COPS7B: variants seen among roughly 807,000 people sequenced by gnomAD.
The protein encoded by COPS7B is COP9 signalosome subunit 7B, also known as COP9 signalosome complex subunit 7b.
COPS7B carries 9 observed loss-of-function variants against 33.4 expected under a neutral mutation model. The ratio of observed to expected loss-of-function variants is 0.27; its 90% CI spans 0.16 to 0.47. The LOEUF is 0.47. Among genes scored for constraint, COPS7B ranks in the 20% least tolerant of loss-of-function variants. The probability of loss-of-function intolerance (pLI) is 0.99; values close to 1 mark genes in which losing one functional copy is unlikely to be tolerated. For missense variants in COPS7B, 242 were observed against 318.2 expected, an observed-to-expected ratio of 0.76 and a Z score of 1.82; for synonymous variants, 119 against 126.3, an observed-to-expected ratio of 0.94 and a Z score of 0.39.
upstream of COPS7B, chr2:231,781,714 A>C (rs919394286): frequency 3.6e-6 from 3 of 843,210 alleles, no homozygotes; most frequent in Non-Finnish European, 5.8e-6. Flanking sequence ...CTTAGACTCC[A>C]GTGTGCCGCG....
chr2:231,785,102 C>T (rs114181416), upstream of COPS7B, among the ~76,000 whole-genome samples: 2,033 of 152,332 alleles, frequency 0.013, 31 homozygotes, highest in Non-Finnish European at 0.018. Flanking sequence ...TGAGCCACCG[C>T]GCCCGGCAAC....
rs1574649845 is a variant in COPS7B, at chr2:231,786,533, G to A, written c.-22G>A. On this transcript the variant is annotated 5_prime_UTR_variant, in exon 1 of 7. Coordinates refer to ENST00000350033, the MANE Select transcript of COPS7B (RefSeq NM_022730.4). ...GACTAAGAGGACCGAGAGGTGGCGT[G>A]GACAGGTAGGAGCTAGCGAGAGGGT... 1.5e-5 allele frequency: 15 copies of A among 985,226 alleles called. No homozygotes were observed. The South Asian group carries it at 7.1e-4, about 46-fold the overall frequency. 61.0% of individuals were successfully genotyped at this position (985,226 alleles called of 1,614,324 possible).
intron 6 of COPS7B, among the ~76,000 whole-genome samples, chr2:231,799,844 A>C (rs1374724527): frequency 6.6e-6 from 1 of 152,194 alleles, no homozygotes; most frequent in Non-Finnish European, 1.5e-5. Flanking sequence ...GGTGCCTTTC[A>C]AAGGGGGATT....
chr2:231,788,136 G>GT (rs576680336), intron 1 of COPS7B, among the ~76,000 whole-genome samples: 27,379 of 114,048 alleles, frequency 0.24, 3,834 homozygotes, highest in Non-Finnish European at 0.28. Context: ...CTCAGGAACT[G>GT]TTTTTTTTTT....
intron 6 of COPS7B, among the ~76,000 whole-genome samples, chr2:231,804,482 C>G (rs923494498): frequency 6.6e-6 from 1 of 152,090 alleles, no homozygotes; most frequent in East Asian, 1.9e-4. Context: ...CTCCTGACCT[C>G]GTGATCTGCC....
At position 231,808,755 on chromosome 2, in the gene COPS7B, C is replaced by T. The variant is rs1236268483; in HGVS notation, c.*1110C>T. On this transcript the variant is annotated 3_prime_UTR_variant, in exon 7 of 7. Coordinates refer to ENST00000350033, the MANE Select transcript of COPS7B (RefSeq NM_022730.4). Reference sequence around the variant, plus strand: ...GTGTCAATATTTGTTATAGACTAATCGCCGGGGATTTTTCACCTGGTTGGA... The same window carrying T: ...GTGTCAATATTTGTTATAGACTAATTGCCGGGGATTTTTCACCTGGTTGGA... 7.1e-5 allele frequency: 7 copies of T among 99,286 alleles called. No homozygotes were observed. The highest frequency in any genetic ancestry group is 2.9e-4 in the African/African-American group (7 of 24,222). 6.2% of individuals were successfully genotyped at this position (99,286 alleles called of 1,614,324 possible).
chr2:231,785,224 G>C, upstream of COPS7B, among the ~76,000 whole-genome samples: 1 of 152,132 alleles, frequency 6.6e-6, no homozygotes, highest in Non-Finnish European at 1.5e-5. Context: ...CTCTAACAAG[G>C]CAATTATTCA....
intron 4 of COPS7B, among the ~76,000 whole-genome samples, chr2:231,794,795 G>A (rs1021727056): frequency 6.6e-6 from 1 of 152,058 alleles, no homozygotes; most frequent in Non-Finnish European, 1.5e-5. Flanking sequence ...TCACTCTGTC[G>A]CCCAGGCTGG....
In COPS7B at chr2:231,791,802, T is replaced by C; in HGVS notation, c.232T>C (p.Tyr78His). 1 of 1,613,168 alleles carries C rather than the reference T, an allele frequency of 6.2e-7. No individual in the cohort carries two copies. The highest frequency in any genetic ancestry group is 8.5e-7 in the Non-Finnish European group (1 of 1,179,034). Residue 78 changes from tyrosine to histidine, a missense_variant, in exon 3 of 7, where the codon TAC (tyrosine) becomes CAC (histidine). Transcript: ENST00000350033. Reference sequence around the variant, plus strand: ...GTTTGCCTATGGGACATACCCAGATTACATAGGTGAGTTGGTGAAGATCCT... The same window carrying C: ...GTTTGCCTATGGGACATACCCAGATCACATAGGTGAGTTGGTGAAGATCCT... ...NLFAYGTYPD[Y>H]IANKESLPEL...
upstream of COPS7B, among the ~76,000 whole-genome samples, chr2:231,783,428 A>C (rs2049173746): frequency 6.6e-6 from 1 of 152,210 alleles, no homozygotes; most frequent in African/African-American, 2.4e-5. Context: ...CCTTGTCAAC[A>C]CAAGAGTTTT....
chr2:231,803,537 A>G (rs1172997187), intron 6 of COPS7B, among the ~76,000 whole-genome samples: 1 of 152,196 alleles, frequency 6.6e-6, no homozygotes, highest in African/African-American at 2.4e-5. Context: ...CAGTTTCTAC[A>G]GGAGAAAATG....
chr2:231,799,261 G>A (rs2049673141), intron 6 of COPS7B, among the ~76,000 whole-genome samples: 1 of 152,192 alleles, frequency 6.6e-6, no homozygotes, highest in African/African-American at 2.4e-5. Context: ...AAGAAAATGA[G>A]TTTGGGGATG....
intron 2 of COPS7B, 185 bp from the exon 3 acceptor site, chr2:231,791,548 T>G: frequency 6.9e-6 from 4 of 575,904 alleles, no homozygotes; most frequent in Non-Finnish European, 1.2e-5. Context: ...ATTTGGGGCT[T>G]TAATAATCTT....
chr2:231,796,301 C>A lies in COPS7B; in HGVS notation c.523C>A (p.His175Asn), dbSNP rs778021213. 6.2e-7 allele frequency: 1 copy of A among 1,613,738 alleles called. No homozygotes were observed. Among genetic ancestry groups the A allele is most frequent in the Non-Finnish European group, 8.5e-7 (1 of 1,179,806 alleles). The change falls in exon 5 of 7, where the codon CAT (histidine) becomes AAT (asparagine). Residue 175 changes from histidine (H) to asparagine (N), a missense_variant. His to Asn is a moderately conservative substitution (Grantham distance 68). Coordinates refer to ENST00000350033, the MANE Select transcript of COPS7B (RefSeq NM_022730.4). ...TATCAATAATATTGTCAAGACCCTGCATGAATGGTGAGGCTAAAAGGAGGA... is the reference window on the plus strand; with the variant it reads ...TATCAATAATATTGTCAAGACCCTGAATGAATGGTGAGGCTAAAAGGAGGA... ...KDINNIVKTL[H>N]EWCDGCEAVL...
chr2:231,783,016 T>A (rs1358697817), upstream of COPS7B, among the ~76,000 whole-genome samples: 1 of 152,222 alleles, frequency 6.6e-6, no homozygotes, highest in Non-Finnish European at 1.5e-5. Context: ...ATAGATCAGT[T>A]TTCTCTGTTC....
intron 5 of COPS7B, among the ~76,000 whole-genome samples, chr2:231,798,358 G>A (rs1462714430): frequency 1.3e-5 from 2 of 149,312 alleles, no homozygotes. Flanking sequence ...CCGGGTTCAA[G>A]TGATTCTCCT....
In COPS7B at chr2:231,807,339, C is replaced by T; in HGVS notation, c.637-148C>T. On this transcript the variant is annotated intron_variant, in intron 6 of 6. Transcript: ENST00000350033. ...ACAAATCTGCTGTGAGTAGCCCAGG[C>T]TCGTTTCTGCTCATCTGGATTTCTG... The T allele has an allele frequency of 6.9e-6, 5 of 721,436 alleles. No individual in the cohort carries two copies. The South Asian group carries it at 1.2e-4, about 18-fold the overall frequency. The allele number at this position is 721,436 out of a possible 1,614,324, so 44.7% of individuals were successfully genotyped here.
intron 4 of COPS7B, 150 bp from the exon 5 acceptor site, chr2:231,795,956 A>G: frequency 3.2e-6 from 2 of 630,816 alleles, no homozygotes; most frequent in Admixed American, 2.9e-5. Context: ...TGGTTCATTT[A>G]TCCACCTCTT....
intron 5 of COPS7B, 77 bp downstream of exon 5, chr2:231,796,385 C>A: frequency 7.2e-7 from 1 of 1,395,834 alleles, no homozygotes; most frequent in Non-Finnish European, 1.0e-6. Context: ...TCCCTGGTGT[C>A]AGCTGAGGGT....
Sources: gnomAD v4.1 joint callset for allele counts (sites outside exome capture counted in the v4.1 genomes callset) on GRCh38, gnomAD v4.1.1 for gene constraint, MANE v1.5 for transcripts, NCBI Gene and HGNC (gene_info 2026-07-23, HGNC 2026-07-21) for gene names.